Variants in STK31 observed in about 807,000 individuals in gnomAD.
STK31 encodes the protein serine/threonine-protein kinase 31.
STK31 carries 89 observed loss-of-function variants against 129.7 expected under a neutral mutation model. That is an observed-to-expected ratio of 0.69 (90% CI 0.58 to 0.82). STK31 has a LOEUF of 0.82. Ranked by LOEUF, STK31 falls within the 40% of genes least tolerant of loss-of-function variation. The pLI, the probability that STK31 is intolerant of heterozygous loss-of-function variation, is 0.00. For missense variants in STK31, 1,187 were observed against 1,176.4 expected, an observed-to-expected ratio of 1.01 and a Z score of -0.13; for synonymous variants, 448 against 395.3, an observed-to-expected ratio of 1.13 and a Z score of -1.58.
intron 16 of STK31, among the ~76,000 whole-genome samples, chr7:23,782,856 A>G (rs1466732902): frequency 2.0e-5 from 3 of 152,214 alleles, no homozygotes; most frequent in African/African-American, 4.8e-5. Flanking sequence ...AAATATTATC[A>G]GACATTTTCA....
chr7:23,772,356 T>A (rs1269181586), intron 15 of STK31, 78 bp downstream of exon 15: 1 of 1,411,670 alleles, frequency 7.1e-7, no homozygotes, highest in African/African-American at 1.5e-5. Flanking sequence ...AAATAATGCA[T>A]AAATACACTC....
rs192440290 is a variant in STK31 at position 23,751,861 on chromosome 7, C to T, written c.1018-856C>T. Among the ~76,000 whole-genome samples, 670 of 149,352 alleles carry T rather than the reference C, an allele frequency of 4.5e-3. 7 individuals carry two copies. Among genetic ancestry groups the T allele is most frequent in the African/African-American group, 0.016 (650 of 40,550 alleles). On this transcript the variant is annotated intron_variant, in intron 8 of 23. Transcript: ENST00000355870. Reference sequence around the variant, plus strand: ...CTCCCTGTGCCAAAGGGAGTTGTTGCTTGACATTAATACAGGCATATTTGC... The same window carrying T: ...CTCCCTGTGCCAAAGGGAGTTGTTGTTTGACATTAATACAGGCATATTTGC...
At chr7:23,737,235 C>T (rs1787772806) in intron 8 of STK31, among the ~76,000 whole-genome samples, 157 bp downstream of exon 8, 1 of 152,130 alleles carries the variant, frequency 6.6e-6, no homozygotes, top group African/African-American at 2.4e-5. Context: ...TTTTCATATA[C>T]TCCAGACTAA....
intron 18 of STK31, 94 bp from the exon 19 acceptor site, chr7:23,786,409 TTTAAC>T: frequency 8.3e-7 from 1 of 1,209,814 alleles, no homozygotes; most frequent in Non-Finnish European, 1.1e-6. Flanking sequence ...TTAGATTTGA[TTTAAC>T]TTAAAATAAT....
intron 8 of STK31, among the ~76,000 whole-genome samples, chr7:23,742,080 T>C (rs546886479): frequency 1.4e-4 from 21 of 152,318 alleles, no homozygotes; most frequent in African/African-American, 4.8e-4. Flanking sequence ...GGGTATTCTA[T>C]AGATATGTGT....
At chr7:23,726,556 G>T (rs1446343027) in intron 4 of STK31, 3 of 150,266 alleles carry the variant, frequency 2.0e-5, no homozygotes, top group Admixed American at 1.3e-4. Context: ...GGTTGAGTCA[G>T]CAGAGAGCCA....
intron 23 of STK31, among the ~76,000 whole-genome samples, chr7:23,816,613 G>A (rs1793486457): frequency 6.6e-6 from 1 of 152,174 alleles, no homozygotes; most frequent in South Asian, 2.1e-4. Context: ...GACCTCAGTT[G>A]TTCTCTAGTT....
intron 23 of STK31, among the ~76,000 whole-genome samples, chr7:23,818,399 C>A (rs1355117301): frequency 6.6e-6 from 1 of 151,984 alleles, no homozygotes; most frequent in Admixed American, 6.6e-5. Flanking sequence ...ATTATTGTGT[C>A]ATATGAGGGG....
At chr7:23,794,722 C>A (rs907760605) in intron 22 of STK31, among the ~76,000 whole-genome samples, 3 of 152,104 alleles carry the variant, frequency 2.0e-5, no homozygotes, top group African/African-American at 7.2e-5. Flanking sequence ...CTTGTTGGAA[C>A]TAGAATAAAC....
intron 8 of STK31, among the ~76,000 whole-genome samples, chr7:23,749,536 G>GGGA (rs1788567273): frequency 6.7e-6 from 1 of 148,302 alleles, no homozygotes; most frequent in Non-Finnish European, 1.5e-5. Context: ...TTTTTTGGGG[G>GGGA]TAGAGACCAT....
chr7:23,719,683 T>C (rs1786569061), intron 4 of STK31, among the ~76,000 whole-genome samples: 2 of 152,124 alleles, frequency 1.3e-5, no homozygotes, highest in African/African-American at 4.8e-5. Context: ...CCCACTGGTA[T>C]AAAACAGATA....
In STK31 at chr7:23,785,539, A is replaced by T; in HGVS notation, c.2210A>T (p.Lys737Met). The T allele has an allele frequency of 6.2e-7, 1 of 1,614,064 alleles. No individual in the cohort carries two copies. The highest frequency in any genetic ancestry group is 8.5e-7 in the Non-Finnish European group (1 of 1,179,924). The change falls in exon 18 of 24, where the codon AAG (lysine) becomes ATG (methionine). Residue 737 changes from lysine (K) to methionine (M), a missense_variant. By Grantham distance (95) the Lys-to-Met change is moderately conservative (BLOSUM62 -1). Transcript: ENST00000355870. Reference protein sequence around the residue: ...ERDLLDAEPMKELSSKRPLVR... With the variant: ...ERDLLDAEPMMELSSKRPLVR... ...GATCTTCTTGATGCTGAGCCCATGA[A>T]GGAACTTAGCAGCAAGCGTCCTTTG...
intron 11 of STK31, among the ~76,000 whole-genome samples, chr7:23,765,794 G>A (rs868336391): frequency 1.3e-5 from 2 of 152,016 alleles, no homozygotes; most frequent in African/African-American, 2.4e-5. Context: ...TCATCCACCC[G>A]CCTCAGCCTC....
At chr7:23,788,577 C>T (rs1297187310) in intron 21 of STK31, among the ~76,000 whole-genome samples, 2 of 152,048 alleles carry the variant, frequency 1.3e-5, no homozygotes, top group Non-Finnish European at 2.9e-5. Context: ...CCTGATTCAC[C>T]TCTAATGGCT....
intron 22 of STK31, among the ~76,000 whole-genome samples, chr7:23,809,578 G>A (rs990388520): frequency 1.3e-5 from 2 of 152,120 alleles, no homozygotes; most frequent in Non-Finnish European, 2.9e-5. Flanking sequence ...CTGCTAATAC[G>A]AAAAGTGGAC....
intron 10 of STK31, among the ~76,000 whole-genome samples, chr7:23,759,553 TTAA>T (rs1428462536): frequency 5.3e-5 from 8 of 152,226 alleles, no homozygotes; most frequent in Non-Finnish European, 1.2e-4. Flanking sequence ...TATCTTCATA[TTAA>T]TAATTTCCTT....
At chr7:23,792,165 GT>G (rs1432574435) in intron 22 of STK31, among the ~76,000 whole-genome samples, 1 of 152,108 alleles carries the variant, frequency 6.6e-6, no homozygotes, top group Non-Finnish European at 1.5e-5. Context: ...AGAAATAAAA[GT>G]CATAGAGTTT....
chr7:23,816,201 G>A (rs771130479), intron 23 of STK31, among the ~76,000 whole-genome samples: 9 of 152,122 alleles, frequency 5.9e-5, no homozygotes, highest in African/African-American at 1.4e-4. Context: ...GATTATCTCT[G>A]TGGAAGGGGA....
Position 23,769,152 on chromosome 7 carries a change from C to G in STK31, c.1574C>G (p.Ala525Gly), listed in dbSNP as rs781379127. The change falls in exon 12 of 24, where the codon GCA (alanine) becomes GGA (glycine). Residue 525 changes from alanine to glycine, a missense_variant. Physicochemically the swap from Ala to Gly is moderately conservative, Grantham distance 60. This residue lies in a region of STK31 where 975 missense variants were observed against 934.9 expected (regional missense o/e 1.04). Coordinates refer to ENST00000355870, the MANE Select transcript of STK31 (RefSeq NM_031414.5). ...ETDASLHRLVAWFQRTLKVFD... is the reference protein window; with the variant it reads ...ETDASLHRLVGWFQRTLKVFD... ...GACGCTTCTCTGCACCGTCTTGTAG[C>G]ATGGTTCCAAAGAACCTTAAAGGTA... The G allele has an allele frequency of 6.3e-7, 1 of 1,598,118 alleles. No homozygotes were observed. Among genetic ancestry groups the G allele is most frequent in the Non-Finnish European group, 8.5e-7 (1 of 1,174,334 alleles).
Sources: allele counts gnomAD v4.1 joint callset (sites outside exome capture counted in the v4.1 genomes callset), GRCh38; gene constraint gnomAD v4.1.1; regional missense constraint gnomAD v4.1.1; transcripts MANE v1.5; gene names NCBI Gene and HGNC (gene_info 2026-07-23, HGNC 2026-07-21).